Variants in ZNF804B observed in about 807,000 individuals in gnomAD.
ZNF804B encodes the protein zinc finger protein 804B.
ZNF804B carries 80 observed loss-of-function variants against 101.4 expected under a neutral mutation model. That is an observed-to-expected ratio of 0.79 (90% CI 0.66 to 0.95). The LOEUF (loss-of-function observed/expected upper bound fraction) is 0.95. Ranked by LOEUF, ZNF804B falls within the 40% of genes least tolerant of loss-of-function variation. The pLI is 0.00. For synonymous variants in ZNF804B, 622 were observed against 558.8 expected (o/e 1.11, Z -1.59); for missense variants, 1,673 against 1,561.9 (o/e 1.07, Z -1.20).
chr7:88,997,199 A>T (rs914873563), intron 1 of ZNF804B, among the ~76,000 whole-genome samples: 1 of 152,060 alleles, frequency 6.6e-6, no homozygotes, highest in Non-Finnish European at 1.5e-5. Context: ...AGAATTATCT[A>T]ATCAGTCATT....
At chr7:89,312,482 T>C (rs1317001789) in intron 2 of ZNF804B, among the ~76,000 whole-genome samples, 1 of 152,200 alleles carries the variant, frequency 6.6e-6, no homozygotes, top group African/African-American at 2.4e-5. Context: ...ACCAGAGTAA[T>C]TTCTTCTCAC....
chr7:89,033,524 G>A (rs987181259), intron 1 of ZNF804B, among the ~76,000 whole-genome samples: 1 of 152,032 alleles, frequency 6.6e-6, no homozygotes, highest in Non-Finnish European at 1.5e-5. Flanking sequence ...TTAGTATTTT[G>A]TGGAACCTAC....
intron 1 of ZNF804B, among the ~76,000 whole-genome samples, chr7:88,775,710 C>A (rs1790131440): frequency 6.6e-6 from 1 of 152,164 alleles, no homozygotes; most frequent in South Asian, 2.1e-4. Flanking sequence ...TTCTTCTCTT[C>A]TTATAAGAGT....
chr7:89,111,833 A>G (rs62461863), intron 1 of ZNF804B, among the ~76,000 whole-genome samples: 1 of 152,154 alleles, frequency 6.6e-6, no homozygotes, highest in Non-Finnish European at 1.5e-5. Context: ...GTATTCTTAA[A>G]ATAGTTAAAA....
chr7:88,942,392 A>G (rs1446474864), intron 1 of ZNF804B, among the ~76,000 whole-genome samples: 2 of 151,942 alleles, frequency 1.3e-5, no homozygotes, highest in Non-Finnish European at 2.9e-5. Context: ...TTTTAATTTT[A>G]TGAGTTGACT....
intron 2 of ZNF804B, among the ~76,000 whole-genome samples, chr7:89,242,887 A>G (rs1198565005): frequency 6.6e-6 from 1 of 151,882 alleles, no homozygotes; most frequent in Non-Finnish European, 1.5e-5. Flanking sequence ...CAATTAAATC[A>G]CTATATAGTA....
At chr7:89,167,198 G>A (rs1791156968) in intron 1 of ZNF804B, among the ~76,000 whole-genome samples, 1 of 151,738 alleles carries the variant, frequency 6.6e-6, no homozygotes, top group Admixed American at 6.6e-5. Context: ...ATGTATGGGA[G>A]GCTGAGATGG....
intron 1 of ZNF804B, among the ~76,000 whole-genome samples, chr7:89,073,936 C>T (rs1159176675): frequency 6.6e-6 from 1 of 152,146 alleles, no homozygotes; most frequent in South Asian, 2.1e-4. Flanking sequence ...GATTTAGCAA[C>T]AGCCCAGAGC....
At chr7:89,006,166 T>C (rs1361132207) in intron 1 of ZNF804B, among the ~76,000 whole-genome samples, 2 of 152,126 alleles carry the variant, frequency 1.3e-5, no homozygotes, top group African/African-American at 4.8e-5. Context: ...GCATTTTTTT[T>C]CTAGGTAAAA....
chr7:88,767,346 C>T (rs1051589246), intron 1 of ZNF804B, among the ~76,000 whole-genome samples: 4 of 152,218 alleles, frequency 2.6e-5, no homozygotes, highest in Non-Finnish European at 4.4e-5. Context: ...TATTACTCAG[C>T]ACTTCACTTG....
At chr7:88,824,810 G>A (rs1186557107) in intron 1 of ZNF804B, among the ~76,000 whole-genome samples, 1 of 152,174 alleles carries the variant, frequency 6.6e-6, no homozygotes, top group African/African-American at 2.4e-5. Context: ...GCCTTTATAA[G>A]TGTGGAGTAG....
intron 1 of ZNF804B, among the ~76,000 whole-genome samples, chr7:89,049,939 G>A (rs1016605232): frequency 1.3e-5 from 2 of 152,118 alleles, no homozygotes; most frequent in African/African-American, 2.4e-5. Flanking sequence ...TTGAACCCAC[G>A]AGGTGGAGGT....
chr7:89,232,162 T>C (rs914100778), intron 2 of ZNF804B, among the ~76,000 whole-genome samples: 1 of 151,868 alleles, frequency 6.6e-6, no homozygotes, highest in East Asian at 1.9e-4. Context: ...AGCCAGATGC[T>C]TTTTTTTGCA....
intron 2 of ZNF804B, among the ~76,000 whole-genome samples, chr7:89,248,779 C>T (rs200660258): frequency 1.3e-5 from 2 of 151,990 alleles, no homozygotes; most frequent in East Asian, 1.9e-4. Context: ...ATCAACCTCA[C>T]GTATCAATAT....
At chr7:88,876,803 T>G (rs539340588) in intron 1 of ZNF804B, among the ~76,000 whole-genome samples, 15 of 151,344 alleles carry the variant, frequency 9.9e-5, no homozygotes, top group Non-Finnish European at 2.1e-4. Context: ...ATGCTTTAGC[T>G]CTAATAAAAT....
intron 2 of ZNF804B, among the ~76,000 whole-genome samples, chr7:89,261,254 A>G (rs1789708882): frequency 6.6e-6 from 1 of 152,176 alleles, no homozygotes; most frequent in African/African-American, 2.4e-5. Flanking sequence ...AAGTTTTGAT[A>G]AATTTTAACT....
intron 2 of ZNF804B, among the ~76,000 whole-genome samples, chr7:89,278,017 T>G (rs1296242860): frequency 6.6e-6 from 1 of 152,162 alleles, no homozygotes; most frequent in Non-Finnish European, 1.5e-5. Context: ...ACCTGTTGTT[T>G]CCTGACTTTG....
At chr7:88,909,183 A>G (rs988527143) in intron 1 of ZNF804B, among the ~76,000 whole-genome samples, 2 of 151,738 alleles carry the variant, frequency 1.3e-5, no homozygotes, top group East Asian at 3.9e-4. Flanking sequence ...CCCTCCCTAT[A>G]TGGTCTTCAG....
intron 2 of ZNF804B, among the ~76,000 whole-genome samples, chr7:89,289,653 G>C (rs1790256354): frequency 6.6e-6 from 1 of 151,788 alleles, no homozygotes; most frequent in South Asian, 2.1e-4. Flanking sequence ...TTCATGGAGG[G>C]AGCATTTAGA....
Sources: allele counts gnomAD v4.1 joint callset (sites outside exome capture counted in the v4.1 genomes callset), GRCh38; gene constraint gnomAD v4.1.1; transcripts MANE v1.5; gene names NCBI Gene and HGNC (gene_info 2026-07-23, HGNC 2026-07-21).